The following FREM1 variants were observed in gnomAD, a reference collection of about 807,000 sequenced individuals.
FREM1 encodes FRAS1-related extracellular matrix protein 1.
Under a neutral mutation model 210.1 loss-of-function variants are expected in FREM1, and 220 were observed. The observed-to-expected ratio is 1.05, with a 90% CI of 0.94 to 1.17. FREM1 has a LOEUF of 1.17. Among genes scored for constraint, FREM1 ranks in the 50% most tolerant of loss-of-function variants. The pLI is 0.00. For synonymous variants in FREM1, 1,189 were observed against 980.2 expected (o/e 1.21, Z -3.98); for missense variants, 3,454 against 2,675.5 (o/e 1.29, Z -6.42).
intron 10 of FREM1, among the ~76,000 whole-genome samples, 199 bp from the exon 11 acceptor site, chr9:14,825,191 A>G (rs1286392852): frequency 1.3e-5 from 2 of 152,162 alleles, no homozygotes; most frequent in East Asian, 3.8e-4. Flanking sequence ...ATATTTTAAG[A>G]ATATTATTAT....
At chr9:14,741,324 T>C (rs1841540043) in intron 35 of FREM1, among the ~76,000 whole-genome samples, 1 of 152,206 alleles carries the variant, frequency 6.6e-6, no homozygotes. Flanking sequence ...CTAGATATGG[T>C]GAACATAATT....
intron 20 of FREM1, among the ~76,000 whole-genome samples, chr9:14,801,352 C>A (rs531792752): frequency 3.0e-4 from 46 of 152,312 alleles, no homozygotes; most frequent in Middle Eastern, 3.4e-3. Context: ...TTCTCATACT[C>A]ATTTTTTTGA....
intron 22 of FREM1, among the ~76,000 whole-genome samples, chr9:14,791,975 G>A (rs911043930): frequency 1.3e-5 from 2 of 151,956 alleles, no homozygotes; most frequent in Non-Finnish European, 2.9e-5. Context: ...GTAATGAGTA[G>A]CTGGGATTAC....
chr9:14,819,746 C>T (rs1329855051), intron 13 of FREM1, among the ~76,000 whole-genome samples: 2 of 152,170 alleles, frequency 1.3e-5, no homozygotes, highest in Non-Finnish European at 2.9e-5. Flanking sequence ...ATCTGTGCTG[C>T]TAAACTGAGG....
At chr9:14,824,626 G>A (rs1489293482) in intron 11 of FREM1, among the ~76,000 whole-genome samples, 170 bp downstream of exon 11, 2 of 152,136 alleles carry the variant, frequency 1.3e-5, no homozygotes, top group African/African-American at 4.8e-5. Context: ...CTTTCAAAGG[G>A]AGATAGGAAG....
intron 16 of FREM1, among the ~76,000 whole-genome samples, chr9:14,809,961 T>C (rs1256954479): frequency 2.0e-5 from 3 of 152,138 alleles, no homozygotes; most frequent in Non-Finnish European, 4.4e-5. Flanking sequence ...TTTTTACCTG[T>C]TAAATGGCAA....
chr9:14,763,573 T>C (rs1206256295), intron 27 of FREM1, among the ~76,000 whole-genome samples: 1 of 152,152 alleles, frequency 6.6e-6, no homozygotes, highest in Non-Finnish European at 1.5e-5. Context: ...GTGGAAGACA[T>C]GGCATGGAGC....
At chr9:14,858,513 T>C (rs1323612968) in intron 4 of FREM1, among the ~76,000 whole-genome samples, 2 of 151,950 alleles carry the variant, frequency 1.3e-5, no homozygotes, top group Non-Finnish European at 2.9e-5. Context: ...CACTTTTTTT[T>C]TTTTTTTTTG....
At chr9:14,769,659 T>C in intron 27 of FREM1, 65 bp downstream of exon 27, 4 of 1,488,852 alleles carry the variant, frequency 2.7e-6, no homozygotes, top group Non-Finnish European at 3.6e-6. Flanking sequence ...ACATTTCACT[T>C]TCCTAATATT....
chr9:14,844,335 C>T (rs1045807085), intron 8 of FREM1, among the ~76,000 whole-genome samples: 1 of 151,714 alleles, frequency 6.6e-6, no homozygotes, highest in Admixed American at 6.6e-5. Flanking sequence ...AAACGATTCT[C>T]TTGCCTCAGC....
intron 5 of FREM1, among the ~76,000 whole-genome samples, chr9:14,854,807 A>G (rs1273588528): frequency 6.6e-6 from 1 of 152,066 alleles, no homozygotes; most frequent in Non-Finnish European, 1.5e-5. Context: ...AAAATATTCT[A>G]TTCACCATAG....
chr9:14,858,227 C>T (rs1166964279), intron 4 of FREM1, among the ~76,000 whole-genome samples: 1 of 152,170 alleles, frequency 6.6e-6, no homozygotes, highest in Non-Finnish European at 1.5e-5. Context: ...CTAAGCCTTC[C>T]CTTAAACATT....
chr9:14,805,065 A>T lies in FREM1; in HGVS notation c.3362T>A (p.Phe1121Tyr), dbSNP rs371774227. The T allele has an allele frequency of 5.0e-6, 8 of 1,613,234 alleles. No homozygotes were observed. The African/African-American group carries it at 8.0e-5, about 16-fold the overall frequency. ...CTTCCCATCTGTGACGTACACCGTG[A>T]ACTGGTCGGCAGTTGGTTCTATCCT... Reference protein sequence around the residue: ...HLRIEPTADQFTVYVTDGKHH... With the variant: ...HLRIEPTADQYTVYVTDGKHH... The change falls in exon 19 of 37, where the codon TTC becomes TAC. Residue 1121 changes from phenylalanine (F) to tyrosine (Y), a missense_variant. Transcript: ENST00000380880.
At chr9:14,825,086 CT>C in intron 10 of FREM1, 94 bp from the exon 11 acceptor site, 1 of 805,604 alleles carries the variant, frequency 1.2e-6, no homozygotes, top group Non-Finnish European at 1.9e-6. Flanking sequence ...AAGATAATTT[CT>C]AAAACTGTCA....
At chr9:14,782,609 G>C (rs570203382) in intron 24 of FREM1, among the ~76,000 whole-genome samples, 1 of 152,176 alleles carries the variant, frequency 6.6e-6, no homozygotes. Context: ...AGGAAAAAAA[G>C]AACAATCATT....
intron 29 of FREM1, among the ~76,000 whole-genome samples, chr9:14,753,324 G>C (rs747396333): frequency 6.6e-6 from 1 of 152,182 alleles, no homozygotes; most frequent in Non-Finnish European, 1.5e-5. Flanking sequence ...TGCCACATTA[G>C]AGATCTGTTC....
At chr9:14,866,063 A>G (rs757657332) in intron 2 of FREM1, among the ~76,000 whole-genome samples, 13 of 152,212 alleles carry the variant, frequency 8.5e-5, no homozygotes, top group Non-Finnish European at 1.6e-4. Flanking sequence ...TGCCTCTGGA[A>G]ATACATACAC....
intron 10 of FREM1, among the ~76,000 whole-genome samples, chr9:14,838,405 T>A (rs866519317): frequency 1.3e-5 from 2 of 152,290 alleles, no homozygotes; most frequent in Middle Eastern, 6.8e-3. Flanking sequence ...AATGTAAACA[T>A]CAAACAGACC....
intron 26 of FREM1, 91 bp downstream of exon 26, chr9:14,770,514 A>G: frequency 1.1e-6 from 1 of 914,830 alleles, no homozygotes; most frequent in Admixed American, 1.9e-5. Context: ...GTGTTTACCA[A>G]ATGGGCCTGC....
Sources: gnomAD v4.1 joint callset for allele counts (sites outside exome capture counted in the v4.1 genomes callset) on GRCh38, gnomAD v4.1.1 for gene constraint, MANE v1.5 for transcripts, NCBI Gene and HGNC (gene_info 2026-07-23, HGNC 2026-07-21) for gene names.